OXCT1: variants seen among roughly 807,000 people sequenced by gnomAD.
OXCT1 encodes the protein succinyl-CoA:3-ketoacid coenzyme A transferase 1, mitochondrial.
In OXCT1, 27 loss-of-function variants were observed where a neutral mutation model predicts 69.6. That is an observed-to-expected ratio of 0.39 (90% CI 0.29 to 0.54). The LOEUF (loss-of-function observed/expected upper bound fraction) is 0.54. Ranked by LOEUF, OXCT1 falls within the 20% of genes least tolerant of loss-of-function variation. The probability of loss-of-function intolerance (pLI) is 0.72; values close to 1 mark genes in which losing one functional copy is unlikely to be tolerated. For missense variants in OXCT1, 437 were observed against 650.2 expected (o/e 0.67, Z 3.57); for synonymous variants, 202 against 217.8 (o/e 0.93, Z 0.64).
chr5:41,741,989 T>C (rs1370583835), intron 15 of OXCT1, among the ~76,000 whole-genome samples: 1 of 152,168 alleles, frequency 6.6e-6, no homozygotes, highest in Non-Finnish European at 1.5e-5. Flanking sequence ...TTTTCTTGCA[T>C]TCTGAACAAC....
Position 41,805,959 on chromosome 5 carries a change from C to A in OXCT1, c.841-278G>T, listed in dbSNP as rs34663371. 0.24 allele frequency among the ~76,000 whole-genome samples: 35,830 copies of A among 151,956 alleles called. 4,430 individuals are homozygous for A. Among genetic ancestry groups the A allele is most frequent in the Middle Eastern group, 0.34 (100 of 294 alleles). On this transcript the variant is annotated intron_variant, in intron 8 of 16. Coordinates refer to ENST00000196371, the MANE Select transcript of OXCT1 (RefSeq NM_000436.4). ...ATCTGTTACTATCACACTGTCTGCT[C>A]CTTCTGTTATTCTTCCAACTAAATT... is the stretch of plus-strand genomic sequence containing the variant.
At chr5:41,841,810 C>T (rs1482478077) in intron 6 of OXCT1, among the ~76,000 whole-genome samples, 1 of 146,642 alleles carries the variant, frequency 6.8e-6, no homozygotes, top group Non-Finnish European at 1.5e-5. Context: ...CTTTAAAAAA[C>T]TGGCTAAATT....
At chr5:41,757,331 G>T (rs1744127522) in intron 14 of OXCT1, among the ~76,000 whole-genome samples, 2 of 151,966 alleles carry the variant, frequency 1.3e-5, no homozygotes, top group Non-Finnish European at 2.9e-5. Context: ...CCATCCCTCA[G>T]ATCTCCTGCA....
At chr5:41,742,366 T>A (rs1167078982) in intron 15 of OXCT1, among the ~76,000 whole-genome samples, 2 of 152,210 alleles carry the variant, frequency 1.3e-5, no homozygotes, top group Non-Finnish European at 2.9e-5. Context: ...ATACTGAAAG[T>A]ACTTTGTCTA....
chr5:41,750,140 T>G (rs983838555), intron 14 of OXCT1, among the ~76,000 whole-genome samples: 6 of 148,594 alleles, frequency 4.0e-5, no homozygotes, highest in African/African-American at 1.5e-4. Context: ...TTTTGGTTTT[T>G]TTTTTTTTTT....
chr5:41,836,472 A>G (rs1287285324), intron 7 of OXCT1, among the ~76,000 whole-genome samples: 1 of 152,164 alleles, frequency 6.6e-6, no homozygotes, highest in East Asian at 1.9e-4. Flanking sequence ...GATCACCTCT[A>G]TGGTTTTACA....
chr5:41,833,398 A>G (rs1276297787), intron 7 of OXCT1, among the ~76,000 whole-genome samples: 2 of 152,162 alleles, frequency 1.3e-5, no homozygotes, highest in East Asian at 1.9e-4. Flanking sequence ...CTAGAATAGT[A>G]TATATGGCAA....
intron 5 of OXCT1, among the ~76,000 whole-genome samples, chr5:41,848,329 A>G (rs1324898369): frequency 6.7e-6 from 1 of 149,532 alleles, no homozygotes; most frequent in Non-Finnish European, 1.5e-5. Flanking sequence ...GGTAGGAAGA[A>G]TCAATATCGT....
At chr5:41,765,321 G>A (rs997579641) in intron 13 of OXCT1, among the ~76,000 whole-genome samples, 7 of 152,198 alleles carry the variant, frequency 4.6e-5, no homozygotes, top group South Asian at 2.1e-4. Flanking sequence ...GTTTTTTCAC[G>A]TTCTGCAATC....
rs566939544 is a variant in OXCT1 at position 41,772,664 on chromosome 5, T to C, written c.1249-10464A>G. Among the ~76,000 whole-genome samples, 6 of 152,336 alleles carry C rather than the reference T, an allele frequency of 3.9e-5. No homozygotes were observed. In the South Asian group the frequency reaches 1.2e-3, roughly 32 times the overall value. On this transcript the variant is annotated intron_variant, in intron 13 of 16. Coordinates refer to ENST00000196371, the MANE Select transcript of OXCT1 (RefSeq NM_000436.4). ...GGATTCAGTTGATGACCCCGTTTAA[T>C]GACTGCTTAAGTACCTACTGGGAAT...
chr5:41,745,539 A>C (rs1239142301), intron 15 of OXCT1, among the ~76,000 whole-genome samples: 2 of 152,218 alleles, frequency 1.3e-5, no homozygotes, highest in African/African-American at 4.8e-5. Context: ...GAAGGCAAGA[A>C]ATAACTAAGA....
chr5:41,842,637 G>T, intron 6 of OXCT1, 38 bp downstream of exon 6: 2 of 1,349,344 alleles, frequency 1.5e-6, no homozygotes, highest in Non-Finnish European at 2.1e-6. Flanking sequence ...TTTTAGAGTT[G>T]CTGATATGCA....
intron 14 of OXCT1, among the ~76,000 whole-genome samples, chr5:41,759,491 C>T (rs948149086): frequency 1.3e-5 from 2 of 152,052 alleles, no homozygotes; most frequent in Admixed American, 6.6e-5. Context: ...GATGTCTAGG[C>T]TCAAATGAAA....
chr5:41,794,805 A>G, intron 11 of OXCT1, 56 bp from the exon 12 acceptor site: 1 of 1,573,534 alleles, frequency 6.4e-7, no homozygotes, highest in East Asian at 2.2e-5. Flanking sequence ...TAAGAGTATC[A>G]TGGTGAACAG....
intron 16 of OXCT1, among the ~76,000 whole-genome samples, chr5:41,732,523 G>T (rs944775470): frequency 6.6e-6 from 1 of 152,144 alleles, no homozygotes; most frequent in Non-Finnish European, 1.5e-5. Context: ...TCAAAGTGTG[G>T]TACCAGGTTC....
intron 15 of OXCT1, among the ~76,000 whole-genome samples, chr5:41,746,978 G>A (rs890663923): frequency 6.6e-6 from 1 of 152,076 alleles, no homozygotes; most frequent in African/African-American, 2.4e-5. Flanking sequence ...AGAATTTTGA[G>A]ATTTTTTGCC....
chr5:41,819,735 A>C (rs1046221499), intron 7 of OXCT1, among the ~76,000 whole-genome samples: 1 of 151,472 alleles, frequency 6.6e-6, no homozygotes, highest in Non-Finnish European at 1.5e-5. Flanking sequence ...GTGAGAAATC[A>C]TGACTGTAAG....
chr5:41,862,871 G>A (rs1026523475), intron 1 of OXCT1, 121 bp from the exon 2 acceptor site: 14 of 658,516 alleles, frequency 2.1e-5, no homozygotes, highest in Admixed American at 4.5e-5. Flanking sequence ...ATATATACAC[G>A]TTTTTAATTG....
intron 13 of OXCT1, among the ~76,000 whole-genome samples, chr5:41,792,892 TC>T (rs1745989800): frequency 6.6e-6 from 1 of 152,158 alleles, no homozygotes; most frequent in African/African-American, 2.4e-5. Context: ...CCAGGCTACA[TC>T]CCAGATTAAT....
Sources: allele counts gnomAD v4.1 joint callset (sites outside exome capture counted in the v4.1 genomes callset), GRCh38; gene constraint gnomAD v4.1.1; transcripts MANE v1.5; gene names NCBI Gene and HGNC (gene_info 2026-07-23, HGNC 2026-07-21).